Variants in TRIM8 observed in about 807,000 individuals in gnomAD.
TRIM8 encodes E3 ubiquitin-protein ligase TRIM8.
TRIM8 carries 9 observed loss-of-function variants against 55.7 expected under a neutral mutation model. That is an observed-to-expected ratio of 0.16 (90% CI 0.10 to 0.28). The LOEUF (loss-of-function observed/expected upper bound fraction) is 0.28, where lower values mean the gene tolerates loss of function less well. Among genes scored for constraint, TRIM8 ranks in the 10% least tolerant of loss-of-function variants. The pLI, the probability that TRIM8 is intolerant of heterozygous loss-of-function variation, is 1.00. For missense variants in TRIM8, 556 were observed against 736.4 expected, an observed-to-expected ratio of 0.76 and a Z score of 2.83; for synonymous variants, 335 against 333.3, an observed-to-expected ratio of 1.01 and a Z score of -0.06.
chr10:102,655,958 A>T, intron 3 of TRIM8, 148 bp from the exon 4 acceptor site: 5 of 1,127,606 alleles, frequency 4.4e-6, no homozygotes, highest in Non-Finnish European at 5.3e-6. Context: ...GCAAATGGCC[A>T]CCCCTACCCC....
rs914886504 is a variant in TRIM8 at position 102,657,000 on chromosome 10, A to G, written c.1302A>G (p.Pro434=). The G allele has an allele frequency of 1.2e-6, 2 of 1,612,568 alleles. No homozygotes were observed. Among genetic ancestry groups the G allele is most frequent in the Admixed American group, 1.7e-5 (1 of 60,020 alleles). The part of the protein sequence containing the change: ...HLVALPGGAQ[P]VHSSPVFPPS... Reference sequence around the variant, plus strand: ...TGGCCCTGCCGGGCGGCGCCCAACCAGTGCACTCAAGCCCCGTGTTCCCCC... The same window carrying G: ...TGGCCCTGCCGGGCGGCGCCCAACCGGTGCACTCAAGCCCCGTGTTCCCCC... Residue 434 remains proline (P), a synonymous_variant, in exon 6 of 6, where the codon CCA becomes CCG. Coordinates refer to ENST00000643721, the MANE Select transcript of TRIM8 (RefSeq NM_030912.3). This position sits in a 1 kb window ranked among gnomAD's most constrained non-coding sequence, Gnocchi z 4.6.
Position 102,644,835 on chromosome 10 carries a change from A to G in TRIM8, c.218A>G (p.Asn73Ser), listed in dbSNP as rs1037784440. 2 of 1,612,900 alleles carry G rather than the reference A, an allele frequency of 1.2e-6. No homozygotes were observed. The highest frequency in any genetic ancestry group is 3.3e-5 in the Admixed American group (2 of 59,982). ...CTGGAGAAGAACCTGAAGCTCACCA[A>G]CATCGTGGAGAAGTTCAATGCCCTG... ...PGLEKNLKLT[N>S]IVEKFNALHV... The change falls in exon 1 of 6, where the codon AAC (asparagine) becomes AGC (serine). Residue 73 changes from asparagine to serine, a missense_variant. Physicochemically the swap from Asn to Ser is conservative, Grantham distance 46. Coordinates refer to ENST00000643721, the MANE Select transcript of TRIM8 (RefSeq NM_030912.3).
chr10:102,655,426 A>T lies in TRIM8; in HGVS notation c.900+113A>T. The T allele has an allele frequency of 3.1e-6, 3 of 982,586 alleles. No homozygotes were observed. The South Asian group carries it at 4.5e-5, about 15-fold the overall frequency. The allele number at this position is 982,586 out of a possible 1,614,324, so 60.9% of individuals were successfully genotyped here. On this transcript the variant is annotated intron_variant, in intron 3 of 5. Coordinates refer to ENST00000643721, the MANE Select transcript of TRIM8 (RefSeq NM_030912.3). ...GCCCTTACCTTTGGAGCCAGCATGC[A>T]TGGGTTCAAATCCACCTGCCTGCTC... is the stretch of plus-strand genomic sequence containing the variant.
At position 102,644,803 on chromosome 10, in the gene TRIM8, G is replaced by T; in HGVS notation, c.186G>T (p.Lys62Asn). ...CPECNQAYNQ[K>N]PGLEKNLKLT... is the part of the protein sequence containing the mutation. ...AGTGCAACCAGGCCTACAACCAGAA[G>T]CCGGGCCTGGAGAAGAACCTGAAGC... The change falls in exon 1 of 6, where the codon AAG becomes AAT. Residue 62 changes from lysine to asparagine, a missense_variant. Lys to Asn is a moderately conservative substitution (Grantham distance 94). Transcript: ENST00000643721. The T allele has an allele frequency of 6.2e-7, 1 of 1,613,284 alleles. No homozygotes were observed. The highest frequency in any genetic ancestry group is 8.5e-7 in the Non-Finnish European group (1 of 1,179,878).
chr10:102,656,573 T>G lies in TRIM8; in HGVS notation c.1049-174T>G. 1 of 1,303,978 alleles carries G rather than the reference T, an allele frequency of 7.7e-7. No homozygotes were observed. The highest frequency in any genetic ancestry group is 1.0e-6 in the Non-Finnish European group (1 of 963,480). 80.8% of individuals were successfully genotyped at this position (1,303,978 alleles called of 1,614,324 possible). On this transcript the variant is annotated intron_variant, in intron 5 of 5. Transcript: ENST00000643721. This position sits in a 1 kb window ranked among gnomAD's most constrained non-coding sequence, Gnocchi z 4.6. ...CTCCCCAGCCTCCATTTCTTCAGCT[T>G]AAAGTGGGGATATAACTATTCTGTA...
At position 102,657,737 on chromosome 10, in the gene TRIM8, T is replaced by G; in HGVS notation, c.*383T>G. ...GAAAGCTTGGGGGTCCCACCCTTCT[T>G]ACCCCACCCGGGAGGAACGCCCAGG... On this transcript the variant is annotated 3_prime_UTR_variant, in exon 6 of 6. Coordinates refer to ENST00000643721, the MANE Select transcript of TRIM8 (RefSeq NM_030912.3). The G allele has an allele frequency of 3.4e-5, 6 of 176,900 alleles. No homozygotes were observed. The highest frequency in any genetic ancestry group is 1.7e-4 in the East Asian group (1 of 6,042). The allele number at this position is 176,900 out of a possible 1,614,324, so 11.0% of individuals were successfully genotyped here.
intron 1 of TRIM8, among the ~76,000 whole-genome samples, chr10:102,647,488 C>T (rs759736958): frequency 8.6e-4 from 131 of 152,288 alleles, no homozygotes; most frequent in Non-Finnish European, 1.2e-3. Context: ...ATGAGTTTGA[C>T]TTATTGAATG....
chr10:102,652,182 C>G (rs1429859812), intron 1 of TRIM8, among the ~76,000 whole-genome samples: 1 of 152,200 alleles, frequency 6.6e-6, no homozygotes, highest in Non-Finnish European at 1.5e-5. Flanking sequence ...AGGTGAAAGC[C>G]TCACCCCCAC....
chr10:102,656,216 G>C lies in TRIM8; in HGVS notation c.933-54G>C. 6.2e-7 allele frequency: 1 copy of C among 1,614,078 alleles called. No homozygotes were observed. The highest frequency in any genetic ancestry group is 8.5e-7 in the Non-Finnish European group (1 of 1,179,996). ...GCCAGGCCCATGGCGGGGAGGTAGG[G>C]CGGGCTCACCGGTGATGCCTCCTCA... On this transcript the variant is annotated intron_variant, in intron 4 of 5. Transcript: ENST00000643721. This position sits in a 1 kb window ranked among gnomAD's most constrained non-coding sequence, Gnocchi z 4.6.
At chr10:102,651,342 AC>A (rs921805396) in intron 1 of TRIM8, among the ~76,000 whole-genome samples, 2 of 151,770 alleles carry the variant, frequency 1.3e-5, no homozygotes, top group Admixed American at 6.6e-5. Flanking sequence ...GCTGAGCCCC[AC>A]CCCCCCAGGA....
intron 1 of TRIM8, among the ~76,000 whole-genome samples, chr10:102,650,956 C>T (rs1483809257): frequency 6.6e-6 from 1 of 152,182 alleles, no homozygotes; most frequent in Non-Finnish European, 1.5e-5. Context: ...TCCCATCTTC[C>T]TTCCAGTTTC....
At chr10:102,650,769 G>A (rs1224295333) in intron 1 of TRIM8, among the ~76,000 whole-genome samples, 3 of 152,180 alleles carry the variant, frequency 2.0e-5, no homozygotes, top group African/African-American at 7.2e-5. Flanking sequence ...TTGGCTCTTA[G>A]CCATTCCCTG....
chr10:102,651,819 G>C lies in TRIM8; in HGVS notation c.571-2834G>C, dbSNP rs147695899. Among the ~76,000 whole-genome samples the C allele has an allele frequency of 3.5e-3, 532 of 152,340 alleles. 1 individual carries two copies. Among genetic ancestry groups the C allele is most frequent in the African/African-American group, 0.012 (501 of 41,572 alleles). On this transcript the variant is annotated intron_variant, in intron 1 of 5. Transcript: ENST00000643721. ...TCCTGGCCACCTCGCCATCGTGCCA[G>C]GCCTCTTGCCATTGTCTGGGGCCTC...
chr10:102,644,975 C>T lies in TRIM8; in HGVS notation c.358C>T (p.Gln120Ter). Residue 120 changes from glutamine (Q) to a stop codon, truncating the protein, a stop_gained, in exon 1 of 6, where the codon CAG (glutamine) becomes TAG (stop). Transcript: ENST00000643721. LOFTEE classifies it high-confidence loss of function. Reference protein sequence around the residue: ...CEAPCCQSHVQTHLQQPSTAR... With the variant: ...CEAPCCQSHV ...GGCGCCCTGCTGCCAGTCCCACGTGCAGACGCACCTGCAGCAGCCCTCCAC... is the reference window on the plus strand; with the variant it reads ...GGCGCCCTGCTGCCAGTCCCACGTGTAGACGCACCTGCAGCAGCCCTCCAC... 1 of 1,598,962 alleles carries T rather than the reference C, an allele frequency of 6.3e-7. No homozygotes were observed. Among genetic ancestry groups the T allele is most frequent in the Non-Finnish European group, 8.5e-7 (1 of 1,174,552 alleles).
At chr10:102,646,266 G>A (rs2063934504) in intron 1 of TRIM8, among the ~76,000 whole-genome samples, 1 of 152,164 alleles carries the variant, frequency 6.6e-6, no homozygotes, top group Admixed American at 6.5e-5. Flanking sequence ...TGACACCGAG[G>A]AGTCCTCTCT....
chr10:102,655,346 C>T, intron 3 of TRIM8, 33 bp downstream of exon 3: 1 of 1,582,810 alleles, frequency 6.3e-7, no homozygotes, highest in Non-Finnish European at 8.6e-7. Context: ...CTGGTGGCAC[C>T]CAGAGGGCCA....
chr10:102,656,790 G>A lies in TRIM8; in HGVS notation c.1092G>A (p.Leu364=). The change falls in exon 6 of 6, where the codon CTG becomes CTA. Residue 364 remains leucine, a synonymous_variant. Coordinates refer to ENST00000643721, the MANE Select transcript of TRIM8 (RefSeq NM_030912.3). This position sits in a 1 kb window ranked among gnomAD's most constrained non-coding sequence, Gnocchi z 4.6. ...TPVPFLQSVP[L]YPCGVSSSGA... is the part of the protein sequence containing the mutation. ...TGCCCTTCCTGCAGAGTGTCCCCCT[G>A]TACCCTTGCGGCGTGAGCAGCTCTG... 1 of 1,519,456 alleles carries A rather than the reference G, an allele frequency of 6.6e-7. No homozygotes were observed. Among genetic ancestry groups the A allele is most frequent in the Non-Finnish European group, 8.8e-7 (1 of 1,134,944 alleles). The allele number at this position is 1,519,456 out of a possible 1,614,324, so 94.1% of individuals were successfully genotyped here. A position where few individuals can be genotyped will look rare whatever the true frequency, so the allele number is the denominator to read the frequency against.
chr10:102,648,058 A>G (rs2063950411), intron 1 of TRIM8, among the ~76,000 whole-genome samples: 2 of 152,282 alleles, frequency 1.3e-5, no homozygotes, highest in Admixed American at 1.3e-4. Context: ...AGGCCTGGAT[A>G]CTCACTGGAT....
chr10:102,645,451 G>A, intron 1 of TRIM8: 1 of 382,378 alleles, frequency 2.6e-6, no homozygotes, highest in Non-Finnish European at 4.7e-6. Context: ...GACCGTCAGG[G>A]GTAGAGTCTG....
Sources: allele counts gnomAD v4.1 joint callset (sites outside exome capture counted in the v4.1 genomes callset), GRCh38; gene constraint gnomAD v4.1.1; non-coding constraint Gnocchi (gnomAD v3.1); transcripts MANE v1.5; gene names NCBI Gene and HGNC (gene_info 2026-07-23, HGNC 2026-07-21).